Variants in ARHGAP24 observed in about 807,000 individuals in gnomAD.
ARHGAP24 encodes the protein rho GTPase-activating protein 24.
ARHGAP24 carries 50 observed loss-of-function variants against 76.4 expected under a neutral mutation model. The ratio of observed to expected loss-of-function variants is 0.65; its 90% CI spans 0.52 to 0.83. The LOEUF (loss-of-function observed/expected upper bound fraction) is 0.83, where lower values mean the gene tolerates loss of function less well. Among genes scored for constraint, ARHGAP24 ranks in the 40% least tolerant of loss-of-function variants. The pLI is 0.00. For missense variants in ARHGAP24, 930 were observed against 914.2 expected (o/e 1.02, Z -0.22); for synonymous variants, 345 against 323.3 (o/e 1.07, Z -0.72).
intron 2 of ARHGAP24, among the ~76,000 whole-genome samples, chr4:85,612,682 T>C (rs1385182621): frequency 6.6e-6 from 1 of 151,592 alleles, no homozygotes; most frequent in Non-Finnish European, 1.5e-5. Context: ...TACCCACCAC[T>C]CACATTTAAT....
At chr4:85,549,510 G>T (rs537685562) in intron 1 of ARHGAP24, among the ~76,000 whole-genome samples, 15 of 152,092 alleles carry the variant, frequency 9.9e-5, no homozygotes, top group African/African-American at 3.6e-4. Context: ...TTGAGTTGTA[G>T]GAGTCATTTG....
chr4:85,493,355 G>A (rs1392225084), intron 1 of ARHGAP24, among the ~76,000 whole-genome samples: 1 of 152,170 alleles, frequency 6.6e-6, no homozygotes, highest in East Asian at 1.9e-4. Flanking sequence ...TATGGTGTTT[G>A]CCAAATGGCG....
At chr4:85,914,487 G>A (rs1048812378) in intron 3 of ARHGAP24, among the ~76,000 whole-genome samples, 9 of 152,148 alleles carry the variant, frequency 5.9e-5, no homozygotes, top group Admixed American at 5.2e-4. Context: ...CATCTTAGAC[G>A]TATACACTGA....
chr4:85,964,607 A>G (rs1738463568), intron 5 of ARHGAP24, among the ~76,000 whole-genome samples: 1 of 152,076 alleles, frequency 6.6e-6, no homozygotes, highest in African/African-American at 2.4e-5. Context: ...AAAGGCAAGT[A>G]AGGTGTCAAA....
chr4:85,636,328 C>A (rs954764251), intron 2 of ARHGAP24, among the ~76,000 whole-genome samples: 1 of 151,862 alleles, frequency 6.6e-6, no homozygotes, highest in Non-Finnish European at 1.5e-5. Context: ...ATAAGCTTCA[C>A]TCACAAGATA....
Position 85,713,360 on chromosome 4 carries a change from A to G in ARHGAP24, c.181-8525A>G, listed in dbSNP as rs754810. 2.6e-5 allele frequency among the ~76,000 whole-genome samples: 4 copies of G among 152,158 alleles called. No homozygotes were observed. In the East Asian group the frequency reaches 7.7e-4, roughly 29 times the overall value. The stretch of plus-strand genomic sequence containing the variant: ...CATATTTCTATGTTTTTCTTAGTGC[A>G]CAAGTAATATGTACTCATTATTTTT... On this transcript the variant is annotated intron_variant, in intron 2 of 9. Transcript: ENST00000395184.
At chr4:85,561,501 C>G (rs1455153397) in intron 1 of ARHGAP24, among the ~76,000 whole-genome samples, 1 of 145,480 alleles carries the variant, frequency 6.9e-6, no homozygotes, top group South Asian at 2.4e-4. Context: ...TGAGAAAACT[C>G]ATCTGTTTTC....
chr4:85,643,234 G>GTGGTTT (rs1721592505), intron 2 of ARHGAP24, among the ~76,000 whole-genome samples: 1 of 54,630 alleles, frequency 1.8e-5, no homozygotes, highest in African/African-American at 5.9e-5. Flanking sequence ...GTTTTTTTGT[G>GTGGTTT]TTTTTTTTTT....
chr4:85,505,938 T>C (rs1724028015), intron 1 of ARHGAP24, among the ~76,000 whole-genome samples: 1 of 151,952 alleles, frequency 6.6e-6, no homozygotes. Flanking sequence ...ATGTTGATGC[T>C]ATTCCTTTCT....
chr4:85,647,757 A>G (rs1268071493), intron 2 of ARHGAP24, among the ~76,000 whole-genome samples: 2 of 152,136 alleles, frequency 1.3e-5, no homozygotes, highest in Non-Finnish European at 2.9e-5. Flanking sequence ...TTGCTAGAAC[A>G]TCATCTTCTT....
intron 8 of ARHGAP24, among the ~76,000 whole-genome samples, chr4:85,986,706 A>C (rs1251612016): frequency 6.6e-6 from 1 of 152,176 alleles, no homozygotes; most frequent in South Asian, 2.1e-4. Flanking sequence ...TTATGTTTGC[A>C]TGAGAGGACA....
At chr4:85,558,595 AGTT>A (rs1363144633) in intron 1 of ARHGAP24, among the ~76,000 whole-genome samples, 1 of 152,126 alleles carries the variant, frequency 6.6e-6, no homozygotes, top group Non-Finnish European at 1.5e-5. Context: ...AAAAAAAAAA[AGTT>A]GTGTTGTCCA....
intron 8 of ARHGAP24, among the ~76,000 whole-genome samples, chr4:85,988,213 T>C (rs1449514753): frequency 2.6e-5 from 4 of 151,838 alleles, no homozygotes; most frequent in African/African-American, 9.7e-5. Flanking sequence ...TGAGTCCAGA[T>C]AGACACATGT....
At chr4:85,707,444 G>A (rs763852503) in intron 2 of ARHGAP24, among the ~76,000 whole-genome samples, 10 of 151,964 alleles carry the variant, frequency 6.6e-5, no homozygotes, top group Admixed American at 1.3e-4. Context: ...TATTTTCACC[G>A]TGTCTAGCAA....
At chr4:85,733,658 T>C (rs1474617829) in intron 3 of ARHGAP24, among the ~76,000 whole-genome samples, 1 of 152,088 alleles carries the variant, frequency 6.6e-6, no homozygotes, top group Non-Finnish European at 1.5e-5. Context: ...GATCAAGGTG[T>C]CAGCTGGGTT....
chr4:85,807,921 T>C (rs1358066132), intron 3 of ARHGAP24, among the ~76,000 whole-genome samples: 1 of 152,186 alleles, frequency 6.6e-6, no homozygotes, highest in African/African-American at 2.4e-5. Context: ...TCAAGGCACT[T>C]TTTTTATTTT....
chr4:85,919,683 A>G (rs546247714), intron 3 of ARHGAP24, among the ~76,000 whole-genome samples: 3 of 152,270 alleles, frequency 2.0e-5, no homozygotes, highest in East Asian at 1.9e-4. Flanking sequence ...GATAATGGCC[A>G]GTTGTGCATA....
intron 3 of ARHGAP24, among the ~76,000 whole-genome samples, chr4:85,746,100 G>A (rs1726024136): frequency 6.6e-6 from 1 of 152,192 alleles, no homozygotes; most frequent in Non-Finnish European, 1.5e-5. Context: ...TCGTGAAGGA[G>A]GAAGTAGTGA....
rs543643224 is a variant in ARHGAP24, at chr4:85,484,498, A to G, written c.-21+8939A>G. Among the ~76,000 whole-genome samples, 88 of 152,332 alleles carry G rather than the reference A, an allele frequency of 5.8e-4. No homozygotes were observed. In the South Asian group the frequency reaches 0.017, roughly 30 times the overall value. ...GTACACTGAGAATTGTTTTCTCCTCAAAGAAAACAGTGAGTGTATTTAAGA... is the reference window on the plus strand; with the variant it reads ...GTACACTGAGAATTGTTTTCTCCTCGAAGAAAACAGTGAGTGTATTTAAGA... On this transcript the variant is annotated intron_variant, in intron 1 of 9. Coordinates refer to ENST00000395184, the MANE Select transcript of ARHGAP24 (RefSeq NM_001025616.3).
Sources: allele counts gnomAD v4.1 joint callset (sites outside exome capture counted in the v4.1 genomes callset), GRCh38; gene constraint gnomAD v4.1.1; transcripts MANE v1.5; gene names NCBI Gene and HGNC (gene_info 2026-07-23, HGNC 2026-07-21).